LPCAT1: variants seen among roughly 807,000 people sequenced by gnomAD.
The protein encoded by LPCAT1 is lysophosphatidylcholine acyltransferase 1.
LPCAT1 carries 23 observed loss-of-function variants against 60.9 expected under a neutral mutation model. The observed-to-expected ratio is 0.38, with a 90% CI of 0.27 to 0.53. LPCAT1 has a LOEUF of 0.53. Among genes scored for constraint, LPCAT1 ranks in the 20% least tolerant of loss-of-function variants. LPCAT1 has a pLI of 0.82. For synonymous variants in LPCAT1, 340 were observed against 301.1 expected (o/e 1.13, Z -1.34); for missense variants, 622 against 723.6 (o/e 0.86, Z 1.61).
In LPCAT1 at chr5:1,464,889, GCA is replaced by G. The variant is rs879742035; in HGVS notation, c.1421-1056_1421-1055del. Among the ~76,000 whole-genome samples the G allele has an allele frequency of 9.3e-4, 123 of 132,928 alleles. 1 individual carries two copies. The highest frequency in any genetic ancestry group is 2.6e-3 in the African/African-American group (95 of 36,194). The allele number at this position is 132,928 out of a possible 152,430, so 87.2% of individuals were successfully genotyped here. ...CACATGCGTGTACACACAAACAAGT[GCA>G]CACACACACTAACTAAACACACATG... is the stretch of plus-strand genomic sequence containing the variant. On this transcript the variant is annotated intron_variant, in intron 13 of 13. Coordinates refer to ENST00000283415, the MANE Select transcript of LPCAT1 (RefSeq NM_024830.5).
At position 1,501,568 on chromosome 5, in the gene LPCAT1, C is replaced by T. The variant is rs1035679828; in HGVS notation, c.171G>A (p.Arg57=). 6.2e-7 allele frequency: 1 copy of T among 1,613,904 alleles called. No homozygotes were observed. The highest frequency in any genetic ancestry group is 8.5e-7 in the Non-Finnish European group (1 of 1,179,882). ...ALMTLTLFPV[R]LLVAAAMMLL... ...GCATCATGGCAGCGGCAACCAGGAG[C>T]CGGACCGGGAAGAGCGTCAGTGTCA... Residue 57 remains arginine, a synonymous_variant, in exon 2 of 14, where the codon CGG becomes CGA. Transcript: ENST00000283415.
At chr5:1,465,565 G>GCA (rs1734349680) in intron 13 of LPCAT1, among the ~76,000 whole-genome samples, 1 of 148,550 alleles carries the variant, frequency 6.7e-6, no homozygotes. Flanking sequence ...ACATGCCCAT[G>GCA]CACACACACA....
At position 1,462,965 on chromosome 5, in the gene LPCAT1, G is replaced by C. The variant is rs1490650417; in HGVS notation, c.*686C>G. On this transcript the variant is annotated 3_prime_UTR_variant, in exon 14 of 14. Transcript: ENST00000283415. ...GGGATTACCTGCTGGAGAGAGGCCT[G>C]ATGGAAATTTAAGTCAAAGCCCAAA... 2.0e-5 allele frequency: 3 copies of C among 151,336 alleles called. No homozygotes were observed. Among genetic ancestry groups the C allele is most frequent in the African/African-American group, 7.3e-5 (3 of 41,198 alleles). The allele number at this position is 151,336 out of a possible 1,614,324, so 9.4% of individuals were successfully genotyped here.
chr5:1,521,296 C>T lies in LPCAT1; in HGVS notation c.135+2414G>A, dbSNP rs567404503. ...CGCATGGCGCTAATCCGAAGACACA[C>T]AGCAGCCCCTCCCAGGCGGCAAATG... is the stretch of plus-strand genomic sequence containing the variant. On this transcript the variant is annotated intron_variant, in intron 1 of 13. Transcript: ENST00000283415. The surrounding 1 kb of genome is among the most constrained non-coding windows in gnomAD (Gnocchi z 4.3). 1.1e-4 allele frequency: 111 copies of T among 983,918 alleles called. 1 individual carries two copies. In the African/African-American group the frequency reaches 1.7e-3, roughly 15 times the overall value. 60.9% of individuals were successfully genotyped at this position (983,918 alleles called of 1,614,324 possible). A position where few individuals can be genotyped will look rare whatever the true frequency, so the allele number is the denominator to read the frequency against.
At chr5:1,472,413 A>G (rs1734719992) in intron 11 of LPCAT1, among the ~76,000 whole-genome samples, 3 of 152,026 alleles carry the variant, frequency 2.0e-5, no homozygotes, top group African/African-American at 7.3e-5. Context: ...CACCCCTTGC[A>G]AGGCATGGGG....
intron 3 of LPCAT1, 144 bp from the exon 4 acceptor site, chr5:1,490,002 G>C: frequency 1.5e-6 from 1 of 675,430 alleles, no homozygotes; most frequent in Non-Finnish European, 2.7e-6. Context: ...TGGGCTGTGA[G>C]TCCCTGACTG....
intron 1 of LPCAT1, among the ~76,000 whole-genome samples, chr5:1,505,559 CCGGG>C (rs77259028): frequency 0.14 from 11,117 of 81,406 alleles, 452 homozygotes; most frequent in Middle Eastern, 0.32. Context: ...CGCCTGCATG[CCGGG>C]TAGGGTAGTC....
intron 6 of LPCAT1, among the ~76,000 whole-genome samples, chr5:1,482,291 C>T (rs1735177666): frequency 1.3e-5 from 2 of 150,572 alleles, no homozygotes; most frequent in Non-Finnish European, 3.0e-5. Flanking sequence ...GGCAAGGTCG[C>T]CTAAGTGGGG....
At position 1,495,725 on chromosome 5, in the gene LPCAT1, G is replaced by A. The variant is rs977608542; in HGVS notation, c.279-811C>T. ...CCTCATGAGAAGCCACGGCTCACTC[G>A]GCCACTGGGTTAAGTGGGCGCATCA... On this transcript the variant is annotated intron_variant, in intron 2 of 13. Transcript: ENST00000283415. This position sits in a 1 kb window ranked among gnomAD's most constrained non-coding sequence, Gnocchi z 4.7. 2.6e-5 allele frequency among the ~76,000 whole-genome samples: 4 copies of A among 152,130 alleles called. No individual in the cohort carries two copies. Among genetic ancestry groups the A allele is most frequent in the South Asian group, 2.1e-4 (1 of 4,824 alleles).
intron 12 of LPCAT1, among the ~76,000 whole-genome samples, chr5:1,467,543 G>A (rs1490981553): frequency 1.3e-5 from 2 of 152,158 alleles, no homozygotes. Flanking sequence ...CGAGGCGCCT[G>A]CCGCCCGCTC....
In LPCAT1 at chr5:1,481,021, A is replaced by ACCCG; in HGVS notation, c.727-46_727-45insCGGG. 1.9e-6 allele frequency: 2 copies of ACCCG among 1,060,254 alleles called. No homozygotes were observed. The highest frequency in any genetic ancestry group is 1.3e-6 in the Non-Finnish European group (1 of 796,556). 65.7% of individuals were successfully genotyped at this position (1,060,254 alleles called of 1,614,324 possible). On this transcript the variant is annotated intron_variant, in intron 6 of 13. Transcript: ENST00000283415. The surrounding 1 kb of genome is among the most constrained non-coding windows in gnomAD (Gnocchi z 7.8). ...GTCAGTCAGCATGGGGCCTGCACCC[A>ACCCG]GGGCCTGCACCAAGCACCTGCGTGT...
At position 1,496,109 on chromosome 5, in the gene LPCAT1, A is replaced by C. The variant is rs1735778586; in HGVS notation, c.279-1195T>G. On this transcript the variant is annotated intron_variant, in intron 2 of 13. Coordinates refer to ENST00000283415, the MANE Select transcript of LPCAT1 (RefSeq NM_024830.5). This position sits in a 1 kb window ranked among gnomAD's most constrained non-coding sequence, Gnocchi z 4.7. ...GGCATGGTGGCTCACGCCTGTAATC[A>C]CAGCACTTTGGGAGGCCAAGGCAGG... 1.3e-5 allele frequency among the ~76,000 whole-genome samples: 2 copies of C among 152,140 alleles called. No homozygotes were observed. Among genetic ancestry groups the C allele is most frequent in the South Asian group, 4.1e-4 (2 of 4,828 alleles).
In LPCAT1 at chr5:1,480,259, G is replaced by A. The variant is rs1429137714; in HGVS notation, c.762-584C>T. 1.2e-6 allele frequency: 1 copy of A among 830,410 alleles called. No homozygotes were observed. Among genetic ancestry groups the A allele is most frequent in the Admixed American group, 6.5e-5 (1 of 15,490 alleles). 51.4% of individuals were successfully genotyped at this position (830,410 alleles called of 1,614,324 possible). A position where few individuals can be genotyped will look rare whatever the true frequency, so the allele number is the denominator to read the frequency against. Reference sequence around the variant, plus strand: ...GAGCCCCCTCCCAGCTCTGCTCCCAGCTGGGAGCCTCCACACGCCAGCCTG... The same window carrying A: ...GAGCCCCCTCCCAGCTCTGCTCCCAACTGGGAGCCTCCACACGCCAGCCTG... On this transcript the variant is annotated intron_variant, in intron 7 of 13. Transcript: ENST00000283415. The surrounding 1 kb of genome is among the most constrained non-coding windows in gnomAD (Gnocchi z 6.4).
At chr5:1,466,425 C>T (rs1330214713) in intron 13 of LPCAT1, among the ~76,000 whole-genome samples, 1 of 152,192 alleles carries the variant, frequency 6.6e-6, no homozygotes, top group Non-Finnish European at 1.5e-5. Context: ...AGCCAGTGGC[C>T]TCGAGGGCTG....
At chr5:1,514,493 C>T (rs1212429398) in intron 1 of LPCAT1, among the ~76,000 whole-genome samples, 1 of 152,212 alleles carries the variant, frequency 6.6e-6, no homozygotes, top group Non-Finnish European at 1.5e-5. Flanking sequence ...GAGTCTGCTC[C>T]GCACTGGGGG....
rs78324319 is a variant in LPCAT1 at position 1,481,459 on chromosome 5, C to G, written c.727-483G>C. On this transcript the variant is annotated intron_variant, in intron 6 of 13. Transcript: ENST00000283415. This position sits in a 1 kb window ranked among gnomAD's most constrained non-coding sequence, Gnocchi z 7.8. Reference sequence around the variant, plus strand: ...CCACGGTGCATGTGCAGGGCCCCCCCACCCCGGGTGCTCTGAAGTCCCATC... The same window carrying G: ...CCACGGTGCATGTGCAGGGCCCCCCGACCCCGGGTGCTCTGAAGTCCCATC... Among the ~76,000 whole-genome samples, 233 of 152,370 alleles carry G rather than the reference C, an allele frequency of 1.5e-3. No individual in the cohort carries two copies. The highest frequency in any genetic ancestry group is 3.4e-3 in the Middle Eastern group (1 of 294).
chr5:1,499,921 C>T (rs1401517063), intron 2 of LPCAT1, among the ~76,000 whole-genome samples: 3 of 152,248 alleles, frequency 2.0e-5, no homozygotes, highest in Non-Finnish European at 4.4e-5. Flanking sequence ...GTACATACAG[C>T]CCACAGATCA....
At chr5:1,492,699 T>C (rs1387151000) in intron 3 of LPCAT1, among the ~76,000 whole-genome samples, 2 of 152,154 alleles carry the variant, frequency 1.3e-5, no homozygotes, top group African/African-American at 4.8e-5. Flanking sequence ...CCTGGGTTGA[T>C]CTGGAAGAGG....
chr5:1,513,319 T>A (rs1560994051), intron 1 of LPCAT1, among the ~76,000 whole-genome samples: 1 of 152,144 alleles, frequency 6.6e-6, no homozygotes, highest in Non-Finnish European at 1.5e-5. Flanking sequence ...GTCCCCCATG[T>A]CCAACCTGCA....
Sources: allele counts gnomAD v4.1 joint callset (sites outside exome capture counted in the v4.1 genomes callset), GRCh38; gene constraint gnomAD v4.1.1; non-coding constraint Gnocchi (gnomAD v3.1); transcripts MANE v1.5; gene names NCBI Gene and HGNC (gene_info 2026-07-23, HGNC 2026-07-21).